The following KATNA1 variants were observed in gnomAD, a reference collection of about 807,000 sequenced individuals.
KATNA1 encodes katanin p60 ATPase-containing subunit A1.
In KATNA1, 42 loss-of-function variants were observed where a neutral mutation model predicts 62.6. The ratio of observed to expected loss-of-function variants is 0.67; its 90% CI spans 0.52 to 0.87. The LOEUF (loss-of-function observed/expected upper bound fraction) is 0.87. KATNA1 is among the 40% of genes least tolerant of loss of function. The probability of loss-of-function intolerance (pLI) is 0.00; values close to 1 mark genes in which losing one functional copy is unlikely to be tolerated. For missense variants in KATNA1, 498 were observed against 612.5 expected, an observed-to-expected ratio of 0.81 and a Z score of 1.97; for synonymous variants, 186 against 201.9, an observed-to-expected ratio of 0.92 and a Z score of 0.67.
intron 3 of KATNA1, among the ~76,000 whole-genome samples, chr6:149,628,089 G>A (rs1394041475): frequency 6.6e-6 from 1 of 151,528 alleles, no homozygotes; most frequent in Non-Finnish European, 1.5e-5. Context: ...AGGCTTTAAT[G>A]AACCTCCTTG....
intron 1 of KATNA1, among the ~76,000 whole-genome samples, chr6:149,639,277 A>T (rs1477298746): frequency 1.3e-5 from 2 of 151,922 alleles, no homozygotes; most frequent in African/African-American, 4.8e-5. Context: ...CCAGCCTGGG[A>T]GATGGAGCAA....
chr6:149,627,431 T>C (rs750206630), intron 3 of KATNA1, among the ~76,000 whole-genome samples: 24 of 148,932 alleles, frequency 1.6e-4, no homozygotes, highest in Non-Finnish European at 3.4e-4. Flanking sequence ...CTGGGCGTGG[T>C]GGTGCATGCC....
intron 4 of KATNA1, among the ~76,000 whole-genome samples, chr6:149,616,488 A>C (rs940773250): frequency 6.6e-6 from 1 of 152,238 alleles, no homozygotes; most frequent in African/African-American, 2.4e-5. Flanking sequence ...GGCCGGATGC[A>C]GTGGCTTATG....
intron 1 of KATNA1, among the ~76,000 whole-genome samples, chr6:149,646,163 A>C (rs1246142155): frequency 6.6e-6 from 1 of 152,192 alleles, no homozygotes; most frequent in Non-Finnish European, 1.5e-5. Context: ...AATTGCACTG[A>C]AGACAAAAAT....
intron 3 of KATNA1, 129 bp downstream of exon 3, chr6:149,632,630 A>T (rs1779893578): frequency 1.4e-6 from 1 of 706,016 alleles, no homozygotes; most frequent in African/African-American, 1.8e-5. Context: ...GTGAGTTATA[A>T]AAGAGAGAAC....
rs949854494 is a variant in KATNA1, at chr6:149,631,661, G to A, written c.320+1098C>T. 8 of 151,856 alleles carry A rather than the reference G, an allele frequency of 5.3e-5. No homozygotes were observed. In the East Asian group the frequency reaches 7.7e-4, roughly 15 times the overall value. 9.4% of individuals were successfully genotyped at this position (151,856 alleles called of 1,614,324 possible). A position where few individuals can be genotyped will look rare whatever the true frequency, so the allele number is the denominator to read the frequency against. ...ATCAACATCTTAATGCAAGGTTAAC[G>A]GGCAATGAACCTGGGAAGTCATAAG... On this transcript the variant is annotated intron_variant, in intron 3 of 10. Transcript: ENST00000367411.
At chr6:149,637,149 C>T in intron 2 of KATNA1, among the ~76,000 whole-genome samples, 1 of 151,980 alleles carries the variant, frequency 6.6e-6, no homozygotes, top group East Asian at 1.9e-4. Context: ...TGGTGGCTCA[C>T]ACCTGTAATC....
chr6:149,604,844 A>T (rs1778676034), intron 4 of KATNA1, 62 bp from the exon 5 acceptor site: 4 of 1,531,420 alleles, frequency 2.6e-6, no homozygotes, highest in Non-Finnish European at 3.6e-6. Context: ...TGAGTCGGAA[A>T]CACAGATTGG....
chr6:149,634,935 A>C lies in KATNA1; in HGVS notation c.163-2019T>G, dbSNP rs1202032328. Among the ~76,000 whole-genome samples, 2 of 135,612 alleles carry C rather than the reference A, an allele frequency of 1.5e-5. 1 individual carries two copies. Among genetic ancestry groups the C allele is most frequent in the Admixed American group, 1.8e-4 (2 of 11,128 alleles). 89.0% of individuals were successfully genotyped at this position (135,612 alleles called of 152,430 possible). Reference sequence around the variant, plus strand: ...TATGCAACCAAGGTATTTTTTTAAAAGCAGTCTTTTTTTTTTTTTTCAAAT... The same window carrying C: ...TATGCAACCAAGGTATTTTTTTAAACGCAGTCTTTTTTTTTTTTTTCAAAT... On this transcript the variant is annotated intron_variant, in intron 2 of 10. Transcript: ENST00000367411.
At chr6:149,609,802 CAA>C (rs1169018343) in intron 4 of KATNA1, among the ~76,000 whole-genome samples, 4 of 64,498 alleles carry the variant, frequency 6.2e-5, no homozygotes, top group Admixed American at 2.2e-4. Flanking sequence ...GACTCCATCT[CAA>C]AAAAAAAAAA....
Position 149,611,509 on chromosome 6 carries a change from T to C in KATNA1, c.502-6727A>G, listed in dbSNP as rs1375356242. ...AAAGAAAAAAGAAAAAAAAAGATATTGATAAGAGCAAAAAGCAATAAAGTT... is the reference window on the plus strand; with the variant it reads ...AAAGAAAAAAGAAAAAAAAAGATATCGATAAGAGCAAAAAGCAATAAAGTT... On this transcript the variant is annotated intron_variant, in intron 4 of 10. Transcript: ENST00000367411. Among the ~76,000 whole-genome samples, 13 of 148,702 alleles carry C rather than the reference T, an allele frequency of 8.7e-5. No homozygotes were observed. The East Asian group carries it at 1.4e-3, about 16-fold the overall frequency.
At chr6:149,626,741 T>A (rs1472114734) in intron 3 of KATNA1, among the ~76,000 whole-genome samples, 1 of 150,762 alleles carries the variant, frequency 6.6e-6, no homozygotes, top group African/African-American at 2.5e-5. Flanking sequence ...CTCAGCACTT[T>A]GGGAGGCTGA....
At position 149,597,045 on chromosome 6, in the gene KATNA1, T is replaced by C. The variant is rs768302226; in HGVS notation, c.1277+18A>G. ...AGTTTATGCTTACAAAAACCTATGC[T>C]TCCATGATAATTCATACCTGCACAC... On this transcript the variant is annotated intron_variant, in intron 10 of 10. Coordinates refer to ENST00000367411, the MANE Select transcript of KATNA1 (RefSeq NM_007044.4). 1 of 1,609,090 alleles carries C rather than the reference T, an allele frequency of 6.2e-7. No individual in the cohort carries two copies. The highest frequency in any genetic ancestry group is 1.1e-5 in the South Asian group (1 of 90,530).
chr6:149,599,784 C>T (rs753817092), intron 7 of KATNA1, among the ~76,000 whole-genome samples: 64 of 152,068 alleles, frequency 4.2e-4, no homozygotes, highest in Non-Finnish European at 7.5e-4. Flanking sequence ...TCCCAAAGTG[C>T]GGGGATTACA....
intron 1 of KATNA1, among the ~76,000 whole-genome samples, chr6:149,642,382 T>TAC (rs1210742657): frequency 1.3e-5 from 2 of 152,158 alleles, no homozygotes; most frequent in East Asian, 3.8e-4. Flanking sequence ...GACACACACA[T>TAC]ACACACACAT....
intron 4 of KATNA1, among the ~76,000 whole-genome samples, chr6:149,618,350 C>T (rs1407813328): frequency 2.0e-5 from 3 of 151,264 alleles, no homozygotes; most frequent in African/African-American, 7.3e-5. Context: ...TGGTAGTGGG[C>T]ACCTATAACT....
In KATNA1 at chr6:149,643,874, A is replaced by C. The variant is rs190875956; in HGVS notation, c.-14+4595T>G. On this transcript the variant is annotated intron_variant, in intron 1 of 10. Transcript: ENST00000367411. ...TTTTTTTTTGGTATGTTTTGTAGAG[A>C]TGGGGATTTCACCATGTTGCCCAGG... Among the ~76,000 whole-genome samples, 171 of 151,482 alleles carry C rather than the reference A, an allele frequency of 1.1e-3. 1 individual carries two copies. Among genetic ancestry groups the C allele is most frequent in the African/African-American group, 4.0e-3 (167 of 41,340 alleles).
At chr6:149,623,033 T>A in intron 4 of KATNA1, 70 bp downstream of exon 4, 1 of 1,189,546 alleles carries the variant, frequency 8.4e-7, no homozygotes, top group South Asian at 1.7e-5. Context: ...AAAAAATAAA[T>A]AAATTTGTAC....
chr6:149,646,430 A>G (rs1467458671), intron 1 of KATNA1, among the ~76,000 whole-genome samples: 1 of 152,230 alleles, frequency 6.6e-6, no homozygotes, highest in Non-Finnish European at 1.5e-5. Flanking sequence ...AAGCAAGTGT[A>G]TATGACTTCA....
Sources: gnomAD v4.1 joint callset for allele counts (sites outside exome capture counted in the v4.1 genomes callset) on GRCh38, gnomAD v4.1.1 for gene constraint, MANE v1.5 for transcripts, NCBI Gene and HGNC (gene_info 2026-07-23, HGNC 2026-07-21) for gene names.